Variants in SLC4A3 observed in about 807,000 individuals in gnomAD.
SLC4A3 encodes the protein solute carrier family 4 member 3.
Under a neutral mutation model 114.2 loss-of-function variants are expected in SLC4A3, and 47 were observed. The observed-to-expected ratio is 0.41, with a 90% CI of 0.33 to 0.52. SLC4A3 has a LOEUF of 0.52. Ranked by LOEUF, SLC4A3 falls within the 20% of genes least tolerant of loss-of-function variation. The pLI is 0.21. For missense variants in SLC4A3, 1,312 were observed against 1,668.3 expected (o/e 0.79, Z 3.72); for synonymous variants, 693 against 710.3 (o/e 0.98, Z 0.39).
At position 219,636,242 on chromosome 2, in the gene SLC4A3, A is replaced by T; in HGVS notation, c.2192-60A>T. On this transcript the variant is annotated intron_variant, in intron 14 of 22. Transcript: ENST00000358055. This position sits in a 1 kb window ranked among gnomAD's most constrained non-coding sequence, Gnocchi z 5.5. The stretch of plus-strand genomic sequence containing the variant: ...GGGGCCCCAGTTTAGGACAAGCTAG[A>T]TGAAGAAGGGGGCAGATAGACAGAG... The T allele has an allele frequency of 6.2e-7, 1 of 1,601,734 alleles. No homozygotes were observed. The highest frequency in any genetic ancestry group is 1.3e-5 in the African/African-American group (1 of 74,846).
In SLC4A3 at chr2:219,635,084, C is replaced by T. The variant is rs1165643170; in HGVS notation, c.1747-187C>T. ...ATGGAGGGCACCTGGGGCTTTGGGG[C>T]AGTGGCTTGCTGGCCTGCAGGGATG... On this transcript the variant is annotated intron_variant, in intron 12 of 22. Coordinates refer to ENST00000358055, the MANE Select transcript of SLC4A3 (RefSeq NM_005070.4). 4.6e-5 allele frequency among the ~76,000 whole-genome samples: 7 copies of T among 152,122 alleles called. No individual in the cohort carries two copies. In the East Asian group the frequency reaches 1.3e-3, roughly 29 times the overall value.
Position 219,635,715 on chromosome 2 carries a change from A to T in SLC4A3, c.2015A>T (p.Asp672Val), listed in dbSNP as rs1348675888. ...ELGGSEATPE[D>V]DPLLRTGSVF... Reference sequence around the variant, plus strand: ...GGGGGCTCTGAGGCAACCCCTGAAGATGACCCCTTGCTGCGGACGGGCTCG... The same window carrying T: ...GGGGGCTCTGAGGCAACCCCTGAAGTTGACCCCTTGCTGCGGACGGGCTCG... The change falls in exon 14 of 23, where the codon GAT becomes GTT. Residue 672 changes from aspartate to valine, a missense_variant. By Grantham distance (152) the Asp-to-Val change is radical. Around this residue, in one of 4 missense-constraint regions of SLC4A3, gnomAD observed 771 missense variants for 977.7 expected, o/e 0.79. Coordinates refer to ENST00000358055, the MANE Select transcript of SLC4A3 (RefSeq NM_005070.4). 1.3e-5 allele frequency: 21 copies of T among 1,594,894 alleles called. No homozygotes were observed. Among genetic ancestry groups the T allele is most frequent in the Non-Finnish European group, 1.7e-5 (20 of 1,173,772 alleles).
Position 219,628,310 on chromosome 2 carries a change from G to A in SLC4A3, c.52-95G>A. The A allele has an allele frequency of 5.3e-6, 7 of 1,322,524 alleles. No homozygotes were observed. The highest frequency in any genetic ancestry group is 6.1e-6 in the Non-Finnish European group (6 of 978,958). The allele number at this position is 1,322,524 out of a possible 1,614,324, so 81.9% of individuals were successfully genotyped here. On this transcript the variant is annotated intron_variant, in intron 2 of 22. Transcript: ENST00000358055. This position sits in a 1 kb window ranked among gnomAD's most constrained non-coding sequence, Gnocchi z 4.8. ...GGGGAGGGGGCCCGATGGTGTGAGA[G>A]CCTGCTGAGCTCCCCCAACTAGGGC...
At chr2:219,635,173 C>T in intron 12 of SLC4A3, 98 bp from the exon 13 acceptor site, 1 of 897,534 alleles carries the variant, frequency 1.1e-6, no homozygotes, top group Non-Finnish European at 1.8e-6. Context: ...GAATGTCCAC[C>T]CTGCCTGTAG....
rs141113138 is a variant in SLC4A3, at chr2:219,638,814, G to A, written c.2968G>A (p.Ala990Thr). 17 of 1,613,968 alleles carry A rather than the reference G, an allele frequency of 1.1e-5. No individual in the cohort carries two copies. The highest frequency in any genetic ancestry group is 2.2e-5 in the East Asian group (1 of 44,890). ...PFPPWMMVAA[A>T]VPALLVLILI... ...CCCGCCGTGGATGATGGTGGCAGCC[G>A]CTGTTCCCGCCCTCCTCGTCCTCAT... Residue 990 changes from alanine (A) to threonine (T), a missense_variant, in exon 19 of 23, where the codon GCT becomes ACT. Around this residue, in one of 4 missense-constraint regions of SLC4A3, gnomAD observed 301 missense variants for 460.7 expected, o/e 0.65. Transcript: ENST00000358055. The surrounding 1 kb of genome is among the most constrained non-coding windows in gnomAD (Gnocchi z 7.5).
chr2:219,633,005 C>T lies in SLC4A3; in HGVS notation c.1273C>T (p.His425Tyr). The change falls in exon 9 of 23, where the codon CAC (histidine) becomes TAC (tyrosine). Residue 425 changes from histidine to tyrosine, a missense_variant. By Grantham distance (83) the His-to-Tyr change is moderately conservative. Around this residue, in one of 4 missense-constraint regions of SLC4A3, gnomAD observed 771 missense variants for 977.7 expected, o/e 0.79. Transcript: ENST00000358055. ...CGTCCTACGTACCCTGCTACTGAAG[C>T]ACAGGTGCCGGGGTGGGTCCCTGGG... ...ASVLRTLLLKHSHPNDDKDSG... is the reference protein window; with the variant it reads ...ASVLRTLLLKYSHPNDDKDSG... The T allele has an allele frequency of 6.2e-7, 1 of 1,613,972 alleles. No individual in the cohort carries two copies. The highest frequency in any genetic ancestry group is 8.5e-7 in the Non-Finnish European group (1 of 1,179,978).
rs1349778917 is a variant in SLC4A3 at position 219,633,210 on chromosome 2, C to T, written c.1278-64C>T. 4.8e-6 allele frequency: 7 copies of T among 1,465,600 alleles called. No homozygotes were observed. The African/African-American group carries it at 5.6e-5, about 12-fold the overall frequency. The allele number at this position is 1,465,600 out of a possible 1,614,324, so 90.8% of individuals were successfully genotyped here. On this transcript the variant is annotated intron_variant, in intron 9 of 22. Coordinates refer to ENST00000358055, the MANE Select transcript of SLC4A3 (RefSeq NM_005070.4). ...ATGGAGGTCCTGACCCTCCACTACT[C>T]ACCTCATGACCTCAGTCTACCATGA...
Position 219,629,644 on chromosome 2 carries a change from C to A in SLC4A3, c.560C>A (p.Pro187His). 1 of 1,613,394 alleles carries A rather than the reference C, an allele frequency of 6.2e-7. No homozygotes were observed. The highest frequency in any genetic ancestry group is 8.5e-7 in the Non-Finnish European group (1 of 1,179,842). Residue 187 changes from proline to histidine, a missense_variant, in exon 5 of 23, where the codon CCC becomes CAC. By Grantham distance (77) the Pro-to-His change is moderately conservative (BLOSUM62 -2). This residue lies in a region of SLC4A3 where 771 missense variants were observed against 977.7 expected (regional missense o/e 0.79). Coordinates refer to ENST00000358055, the MANE Select transcript of SLC4A3 (RefSeq NM_005070.4). ...CCTGGGAGGGCTGCTGTCACCAAGC[C>A]CCTGCCCTCGGTGGGCCCACACACT... The part of the protein sequence containing the change: ...GLPGRAAVTK[P>H]LPSVGPHTDK...
Position 219,628,753 on chromosome 2 carries a change from G to A in SLC4A3, c.217+183G>A. ...TGCCTCCCCCACCCATCGCCTGTCC[G>A]CCTGCCTGGGGAGGTGGGCCCCAGA... is the stretch of plus-strand genomic sequence containing the variant. On this transcript the variant is annotated intron_variant, in intron 3 of 22. Coordinates refer to ENST00000358055, the MANE Select transcript of SLC4A3 (RefSeq NM_005070.4). This position sits in a 1 kb window ranked among gnomAD's most constrained non-coding sequence, Gnocchi z 4.8. 7 of 696,750 alleles carry A rather than the reference G, an allele frequency of 1.0e-5. No individual in the cohort carries two copies. The highest frequency in any genetic ancestry group is 5.9e-5 in the South Asian group (3 of 50,550). 43.2% of individuals were successfully genotyped at this position (696,750 alleles called of 1,614,324 possible). A position where few individuals can be genotyped will look rare whatever the true frequency, so the allele number is the denominator to read the frequency against.
chr2:219,636,338 T>G lies in SLC4A3; in HGVS notation c.2228T>G (p.Leu743Arg), dbSNP rs758677711. The G allele has an allele frequency of 6.2e-7, 1 of 1,613,856 alleles. No homozygotes were observed. The highest frequency in any genetic ancestry group is 8.5e-7 in the Non-Finnish European group (1 of 1,179,936). Residue 743 changes from leucine (L) to arginine (R), a missense_variant, in exon 15 of 23, where the codon CTG (leucine) becomes CGG (arginine). By Grantham distance (102) the Leu-to-Arg change is moderately radical. Around this residue, in one of 4 missense-constraint regions of SLC4A3, gnomAD observed 771 missense variants for 977.7 expected, o/e 0.79. Coordinates refer to ENST00000358055, the MANE Select transcript of SLC4A3 (RefSeq NM_005070.4). The surrounding 1 kb of genome is among the most constrained non-coding windows in gnomAD (Gnocchi z 5.5). ...GAGGGGCTGATGGGCGTGTCCGAGC[T>G]GATCGTGTCCACCGCTGTGCTCGGC... ...KTEGLMGVSELIVSTAVLGVL... is the reference protein window; with the variant it reads ...KTEGLMGVSERIVSTAVLGVL...
chr2:219,635,790 C>G lies in SLC4A3; in HGVS notation c.2090C>G (p.Pro697Arg). Reference sequence around the variant, plus strand: ...GTGAGGCGCCGGTACCCGCACTACCCCAGTGACCTGCGAGATGCGCTGCAC... The same window carrying G: ...GTGAGGCGCCGGTACCCGCACTACCGCAGTGACCTGCGAGATGCGCTGCAC... ...RDVRRRYPHY[P>R]SDLRDALHSQ... The change falls in exon 14 of 23, where the codon CCC becomes CGC. Residue 697 changes from proline to arginine, a missense_variant. This residue lies in a region of SLC4A3 where 771 missense variants were observed against 977.7 expected (regional missense o/e 0.79). Coordinates refer to ENST00000358055, the MANE Select transcript of SLC4A3 (RefSeq NM_005070.4). 1 of 1,595,360 alleles carries G rather than the reference C, an allele frequency of 6.3e-7. No homozygotes were observed. Among genetic ancestry groups the G allele is most frequent in the South Asian group, 1.1e-5 (1 of 87,930 alleles).
chr2:219,636,562 AG>A lies in SLC4A3; in HGVS notation c.2341-114del. On this transcript the variant is annotated intron_variant, in intron 15 of 22. Coordinates refer to ENST00000358055, the MANE Select transcript of SLC4A3 (RefSeq NM_005070.4). This position sits in a 1 kb window ranked among gnomAD's most constrained non-coding sequence, Gnocchi z 5.5. The stretch of plus-strand genomic sequence containing the variant: ...TCCTGCCCCACACTCTTCCTTACCT[AG>A]GGGATGGGTCCCTGCATTCTCCCTC... The A allele has an allele frequency of 6.8e-7, 1 of 1,474,038 alleles. No homozygotes were observed. Among genetic ancestry groups the A allele is most frequent in the East Asian group, 2.3e-5 (1 of 42,758 alleles). The allele number at this position is 1,474,038 out of a possible 1,614,324, so 91.3% of individuals were successfully genotyped here.
chr2:219,640,768 G>A (rs1335079916), intron 21 of SLC4A3, 21 bp from the exon 22 acceptor site: 6 of 1,606,702 alleles, frequency 3.7e-6, no homozygotes, highest in Non-Finnish European at 4.3e-6. Context: ...GTGCACTGGG[G>A]CCCACTGGCT....
At chr2:219,634,304 T>G (rs1699042317) in intron 11 of SLC4A3, 116 bp from the exon 12 acceptor site, 2 of 1,012,630 alleles carry the variant, frequency 2.0e-6, no homozygotes, top group Non-Finnish European at 3.0e-6. Flanking sequence ...AGACTGGGGT[T>G]TCTTTGCGCA....
chr2:219,640,165 G>A (rs1398337021), intron 20 of SLC4A3, among the ~76,000 whole-genome samples: 3 of 151,674 alleles, frequency 2.0e-5, no homozygotes, highest in African/African-American at 4.8e-5. Context: ...TCCTGACCTC[G>A]TGATCCACCC....
chr2:219,634,681 C>A lies in SLC4A3; in HGVS notation c.1746+77C>A, dbSNP rs558106563. ...CTGTCCCTCATTGTCCACAGTGGTGCCCATAGAGGCAAGGGTGCTAGAGGC... is the reference window on the plus strand; with the variant it reads ...CTGTCCCTCATTGTCCACAGTGGTGACCATAGAGGCAAGGGTGCTAGAGGC... On this transcript the variant is annotated intron_variant, in intron 12 of 22. Transcript: ENST00000358055. 18 of 1,468,810 alleles carry A rather than the reference C, an allele frequency of 1.2e-5. No individual in the cohort carries two copies. The East Asian group carries it at 3.8e-4, about 31-fold the overall frequency. 91.0% of individuals were successfully genotyped at this position (1,468,810 alleles called of 1,614,324 possible).
chr2:219,639,020 G>A lies in SLC4A3; in HGVS notation c.3023+151G>A, dbSNP rs1241413910. On this transcript the variant is annotated intron_variant, in intron 19 of 22. Coordinates refer to ENST00000358055, the MANE Select transcript of SLC4A3 (RefSeq NM_005070.4). This position sits in a 1 kb window ranked among gnomAD's most constrained non-coding sequence, Gnocchi z 5.9. ...GCAATCCTTGAGGAAGAGAGTGTGT[G>A]TGGAGGAGCTGGCAGGGGTGAGGAG... The A allele has an allele frequency of 5.7e-6, 5 of 882,956 alleles. No individual in the cohort carries two copies. The highest frequency in any genetic ancestry group is 2.6e-5 in the East Asian group (1 of 38,462). 54.7% of individuals were successfully genotyped at this position (882,956 alleles called of 1,614,324 possible). A position where few individuals can be genotyped will look rare whatever the true frequency, so the allele number is the denominator to read the frequency against.
rs781582414 is a variant in SLC4A3, at chr2:219,628,081, A to G, written c.51+38A>G. The G allele has an allele frequency of 9.7e-6, 14 of 1,447,402 alleles. No individual in the cohort carries two copies. The African/African-American group carries it at 1.9e-4, about 19-fold the overall frequency. The allele number at this position is 1,447,402 out of a possible 1,614,324, so 89.7% of individuals were successfully genotyped here. ...CGCGGGGGCGGGGGAGAGATGGGGG[A>G]GGAGAGGGGAGGGACCTTAGGGTGG... On this transcript the variant is annotated intron_variant, in intron 2 of 22. Coordinates refer to ENST00000358055, the MANE Select transcript of SLC4A3 (RefSeq NM_005070.4). The surrounding 1 kb of genome is among the most constrained non-coding windows in gnomAD (Gnocchi z 4.8).
At position 219,629,290 on chromosome 2, in the gene SLC4A3, G is replaced by T. The variant is rs1157315193; in HGVS notation, c.364G>T (p.Gly122Trp). The T allele has an allele frequency of 1.2e-6, 2 of 1,613,958 alleles. No individual in the cohort carries two copies. The highest frequency in any genetic ancestry group is 3.3e-5 in the Admixed American group (2 of 60,016). Residue 122 changes from glycine to tryptophan, a missense_variant, in exon 4 of 23, where the codon GGG (glycine) becomes TGG (tryptophan). Gly to Trp is a radical substitution (Grantham distance 184, BLOSUM62 -2). Coordinates refer to ENST00000358055, the MANE Select transcript of SLC4A3 (RefSeq NM_005070.4). The part of the protein sequence containing the change: ...KEKTSAPPSE[G>W]TPPIQEEGGA... Reference sequence around the variant, plus strand: ...GAAAACCTCTGCTCCTCCCTCCGAGGGGACCCCTCCCATCCAGGAGGAGGG... The same window carrying T: ...GAAAACCTCTGCTCCTCCCTCCGAGTGGACCCCTCCCATCCAGGAGGAGGG...
Sources: gnomAD v4.1 joint callset for allele counts (sites outside exome capture counted in the v4.1 genomes callset) on GRCh38, gnomAD v4.1.1 for gene constraint, gnomAD v4.1.1 regional missense constraint, Gnocchi (gnomAD v3.1) non-coding constraint, MANE v1.5 for transcripts, NCBI Gene and HGNC (gene_info 2026-07-23, HGNC 2026-07-21) for gene names.